RBFOX1: variants seen among roughly 807,000 people sequenced by gnomAD.
The protein encoded by RBFOX1 is RNA binding protein fox-1 homolog 1.
RBFOX1 carries 8 observed loss-of-function variants against 57.7 expected under a neutral mutation model. The ratio of observed to expected loss-of-function variants is 0.14; its 90% CI spans 0.08 to 0.25. The LOEUF is 0.25. Ranked by LOEUF, RBFOX1 falls within the 10% of genes least tolerant of loss-of-function variation. The probability of loss-of-function intolerance (pLI) is 1.00; values close to 1 mark genes in which losing one functional copy is unlikely to be tolerated. For missense variants in RBFOX1, 611 were observed against 548.5 expected, an observed-to-expected ratio of 1.11 and a Z score of -1.14; for synonymous variants, 326 against 222.4, an observed-to-expected ratio of 1.47 and a Z score of -4.15.
chr16:6,973,948 C>A (rs1001081094), intron 3 of RBFOX1, among the ~76,000 whole-genome samples: 1 of 152,084 alleles, frequency 6.6e-6, no homozygotes, highest in Non-Finnish European at 1.5e-5. Context: ...TCCCAGCAGA[C>A]CCCAGTGTGT....
chr16:7,575,190 A>C (rs1005205325), intron 5 of RBFOX1, among the ~76,000 whole-genome samples: 1 of 152,078 alleles, frequency 6.6e-6, no homozygotes, highest in African/African-American at 2.4e-5. Flanking sequence ...GCTGGAGTGC[A>C]GTGGCACGAT....
chr16:6,658,911 TG>T (rs1568088428), intron 3 of RBFOX1, among the ~76,000 whole-genome samples: 4 of 111,992 alleles, frequency 3.6e-5, no homozygotes, highest in African/African-American at 1.4e-4. Context: ...ACAGGTTTTT[TG>T]TTTTTTTGTT....
intron 1 of RBFOX1, among the ~76,000 whole-genome samples, chr16:6,172,890 C>T (rs1180111749): frequency 2.6e-5 from 4 of 152,142 alleles, no homozygotes; most frequent in Admixed American, 6.5e-5. Context: ...ACAGTGCGGG[C>T]AGAGCTGCAC....
intron 2 of RBFOX1, among the ~76,000 whole-genome samples, chr16:6,467,482 A>T (rs959876307): frequency 1.3e-5 from 2 of 152,102 alleles, no homozygotes; most frequent in Non-Finnish European, 2.9e-5. Flanking sequence ...GGGTTTTCCA[A>T]AGTGCCATAT....
rs191798771 is a variant in RBFOX1 at position 7,082,349 on chromosome 16, G to T, written c.27+30251G>T. The stretch of plus-strand genomic sequence containing the variant: ...TAATCCCAGCACTTTGGGAGGCCGA[G>T]GTGGGTGGATCATTTGAGGCCAGGA... On this transcript the variant is annotated intron_variant, in intron 4 of 15. Transcript: ENST00000550418. Among the ~76,000 whole-genome samples the T allele has an allele frequency of 1.7e-4, 26 of 152,204 alleles. 1 individual carries two copies. The East Asian group carries it at 4.7e-3, about 27-fold the overall frequency.
intron 3 of RBFOX1, among the ~76,000 whole-genome samples, chr16:6,738,533 G>A (rs11077077): frequency 0.96 from 146,678 of 152,294 alleles, 70,838 homozygotes; most frequent in East Asian, 1. Flanking sequence ...TGAACCCACA[G>A]TTATAATTGT....
chr16:6,336,551 C>A (rs2083783434), intron 2 of RBFOX1, among the ~76,000 whole-genome samples: 1 of 152,066 alleles, frequency 6.6e-6, no homozygotes, highest in Non-Finnish European at 1.5e-5. Context: ...GATTTATAAT[C>A]TAGAGAGGGC....
At chr16:6,752,242 A>G (rs1442877264) in intron 3 of RBFOX1, among the ~76,000 whole-genome samples, 1 of 152,224 alleles carries the variant, frequency 6.6e-6, no homozygotes, top group Non-Finnish European at 1.5e-5. Context: ...TATTAAAAAT[A>G]TTGATTTGTC....
chr16:7,017,152 G>T (rs2093957112), intron 3 of RBFOX1, among the ~76,000 whole-genome samples: 1 of 152,096 alleles, frequency 6.6e-6, no homozygotes, highest in Non-Finnish European at 1.5e-5. Context: ...AGCTGTTAAG[G>T]TGCAAACAGA....
Position 7,016,631 on chromosome 16 carries a change from C to G in RBFOX1, c.-15-35426C>G, listed in dbSNP as rs115673686. Reference sequence around the variant, plus strand: ...ACGCCTCACTTGGTGGATGTGGAAACAGGCGTGATACACGATGCAAAACCA... The same window carrying G: ...ACGCCTCACTTGGTGGATGTGGAAAGAGGCGTGATACACGATGCAAAACCA... On this transcript the variant is annotated intron_variant, in intron 3 of 15. Coordinates refer to ENST00000550418, the MANE Select transcript of RBFOX1 (RefSeq NM_018723.4). Among the ~76,000 whole-genome samples the G allele has an allele frequency of 3.3e-3, 503 of 152,294 alleles. 8 individuals carry two copies. The highest frequency in any genetic ancestry group is 0.012 in the African/African-American group (481 of 41,574).
intron 4 of RBFOX1, chr16:7,510,027 C>CT: frequency 2.7e-6 from 1 of 373,790 alleles, no homozygotes. Context: ...CGCTGTGAAA[C>CT]TGAGAGTAGG....
intron 2 of RBFOX1, among the ~76,000 whole-genome samples, chr16:6,648,201 C>T (rs375136469): frequency 4.5e-4 from 68 of 151,928 alleles, no homozygotes; most frequent in African/African-American, 1.4e-3. Context: ...GCATACCACC[C>T]CACCTAGCTA....
At chr16:6,507,336 A>G (rs2096127461) in intron 2 of RBFOX1, among the ~76,000 whole-genome samples, 1 of 152,164 alleles carries the variant, frequency 6.6e-6, no homozygotes, top group African/African-American at 2.4e-5. Context: ...GGTATACAGA[A>G]TGTGGTTTGT....
intron 4 of RBFOX1, among the ~76,000 whole-genome samples, chr16:7,379,961 A>G (rs569952732): frequency 9.9e-5 from 15 of 152,202 alleles, no homozygotes; most frequent in South Asian, 4.2e-4. Flanking sequence ...TTCAAGCACA[A>G]TCCTCCTGCC....
chr16:6,958,251 G>T (rs924020033), intron 3 of RBFOX1, among the ~76,000 whole-genome samples: 1 of 152,200 alleles, frequency 6.6e-6, no homozygotes, highest in Non-Finnish European at 1.5e-5. Flanking sequence ...CGATGCAGCC[G>T]TTAGCAGGCT....
intron 2 of RBFOX1, among the ~76,000 whole-genome samples, chr16:6,401,051 G>C (rs1296758472): frequency 2.6e-5 from 4 of 152,128 alleles, no homozygotes; most frequent in African/African-American, 7.2e-5. Flanking sequence ...CCAGATCTTG[G>C]TTTCTAAATA....
At chr16:6,016,779 T>A (rs1219808238), upstream of RBFOX1, among the ~76,000 whole-genome samples, 2 of 152,186 alleles carry the variant, frequency 1.3e-5, no homozygotes, top group Non-Finnish European at 2.9e-5. Context: ...CACCTCTCAT[T>A]TATCTTCCAG....
chr16:7,592,993 T>C (rs1197100828), intron 7 of RBFOX1, among the ~76,000 whole-genome samples: 1 of 151,376 alleles, frequency 6.6e-6, no homozygotes, highest in African/African-American at 2.4e-5. Flanking sequence ...TTTTTTTTTT[T>C]TGGTAGAGGT....
At chr16:6,040,550 T>TTCTTTCTG (rs1040185250) in intron 1 of RBFOX1, among the ~76,000 whole-genome samples, 9 of 117,930 alleles carry the variant, frequency 7.6e-5, no homozygotes, top group African/African-American at 3.7e-4. Context: ...GAATTAATCA[T>TTCTTTCTG]TCTTTCTTTC....
Sources: allele counts gnomAD v4.1 joint callset (sites outside exome capture counted in the v4.1 genomes callset), GRCh38; gene constraint gnomAD v4.1.1; transcripts MANE v1.5; gene names NCBI Gene and HGNC (gene_info 2026-07-23, HGNC 2026-07-21).